SLIT1: variants seen among roughly 807,000 people sequenced by gnomAD.
SLIT1 encodes slit homolog 1 protein.
In SLIT1, 66 loss-of-function variants were observed where a neutral mutation model predicts 186.1. That is an observed-to-expected ratio of 0.35 (90% CI 0.29 to 0.44). The LOEUF is 0.44. Among genes scored for constraint, SLIT1 ranks in the 20% least tolerant of loss-of-function variants. SLIT1 has a pLI of 1.00. For missense variants in SLIT1, 1,638 were observed against 2,037.4 expected, an observed-to-expected ratio of 0.80 and a Z score of 3.77; for synonymous variants, 761 against 833.8, an observed-to-expected ratio of 0.91 and a Z score of 1.50.
chr10:97,073,051 C>T (rs1849014618), intron 4 of SLIT1, among the ~76,000 whole-genome samples: 2 of 152,254 alleles, frequency 1.3e-5, no homozygotes, highest in South Asian at 2.1e-4. Flanking sequence ...CAGAAGCCTT[C>T]CCTGGACCTG....
chr10:97,134,259 C>T (rs1849680858), intron 4 of SLIT1, among the ~76,000 whole-genome samples: 1 of 152,170 alleles, frequency 6.6e-6, no homozygotes, highest in Non-Finnish European at 1.5e-5. Flanking sequence ...GTCACAGCCA[C>T]AGTTGCGTGA....
At chr10:97,099,293 C>T (rs1589392770) in intron 4 of SLIT1, among the ~76,000 whole-genome samples, 2 of 152,214 alleles carry the variant, frequency 1.3e-5, no homozygotes, top group South Asian at 4.2e-4. Flanking sequence ...CAGGAAGAGT[C>T]CCAAGGAAGA....
chr10:97,056,290 G>A, intron 13 of SLIT1, 31 bp downstream of exon 13: 3 of 1,611,996 alleles, frequency 1.9e-6, no homozygotes, highest in Non-Finnish European at 2.5e-6. Flanking sequence ...CCTGCTGGGA[G>A]GGGAGAAGAA....
intron 7 of SLIT1, 73 bp downstream of exon 7, chr10:97,064,095 C>A: frequency 7.8e-7 from 1 of 1,278,024 alleles, no homozygotes. Flanking sequence ...AAAACCTTCA[C>A]CTCCTGCCCC....
chr10:97,093,744 G>A (rs1233476030), intron 4 of SLIT1, among the ~76,000 whole-genome samples: 2 of 152,200 alleles, frequency 1.3e-5, no homozygotes, highest in Admixed American at 6.5e-5. Flanking sequence ...CCCAATTCCA[G>A]CGGGCACAGA....
intron 4 of SLIT1, among the ~76,000 whole-genome samples, chr10:97,110,837 C>G (rs1448668164): frequency 6.6e-6 from 1 of 152,196 alleles, no homozygotes; most frequent in African/African-American, 2.4e-5. Context: ...TGCTTTGCCA[C>G]TAACATATAC....
chr10:97,003,497 G>A (rs1848331061), intron 34 of SLIT1, among the ~76,000 whole-genome samples: 1 of 152,230 alleles, frequency 6.6e-6, no homozygotes, highest in Admixed American at 6.5e-5. Context: ...CTGCGGAGCT[G>A]GGCTGAGGCC....
intron 4 of SLIT1, among the ~76,000 whole-genome samples, chr10:97,083,967 C>G (rs911499093): frequency 1.3e-5 from 2 of 151,984 alleles, no homozygotes; most frequent in Admixed American, 1.3e-4. Context: ...TGGGCCACCA[C>G]CCAGGAGCCC....
chr10:97,008,901 A>G (rs895161656), intron 31 of SLIT1, among the ~76,000 whole-genome samples: 1 of 151,276 alleles, frequency 6.6e-6, no homozygotes, highest in Non-Finnish European at 1.5e-5. Flanking sequence ...ATTTTTTGAG[A>G]TGGCGTCTCA....
chr10:97,146,783 C>T (rs1292394231), intron 4 of SLIT1, among the ~76,000 whole-genome samples: 1 of 152,130 alleles, frequency 6.6e-6, no homozygotes, highest in African/African-American at 2.4e-5. Context: ...AAGAAATGGG[C>T]GGCGCCCCTT....
chr10:97,064,794 G>A lies in SLIT1; in HGVS notation c.557+11C>T. On this transcript the variant is annotated intron_variant, in intron 6 of 36. Coordinates refer to ENST00000266058, the MANE Select transcript of SLIT1 (RefSeq NM_003061.3). Reference sequence around the variant, plus strand: ...TCCACACCCCTCCTTCCTTTTCCATGCTTTACTTACAGCACCTCCAGCCCC... The same window carrying A: ...TCCACACCCCTCCTTCCTTTTCCATACTTTACTTACAGCACCTCCAGCCCC... 1 of 1,600,902 alleles carries A rather than the reference G, an allele frequency of 6.2e-7. No homozygotes were observed. Among genetic ancestry groups the A allele is most frequent in the Non-Finnish European group, 8.5e-7 (1 of 1,172,656 alleles).
At chr10:97,135,976 G>A (rs1849699078) in intron 4 of SLIT1, among the ~76,000 whole-genome samples, 1 of 152,196 alleles carries the variant, frequency 6.6e-6, no homozygotes, top group Admixed American at 6.5e-5. Flanking sequence ...CCTGCATTCC[G>A]GGGTCCTTGG....
At chr10:97,123,894 A>G (rs969454670) in intron 4 of SLIT1, among the ~76,000 whole-genome samples, 1 of 152,132 alleles carries the variant, frequency 6.6e-6, no homozygotes, top group Non-Finnish European at 1.5e-5. Context: ...GTCCACGGCA[A>G]AGCCACAAAG....
intron 1 of SLIT1, among the ~76,000 whole-genome samples, chr10:97,176,318 G>C (rs143587167): frequency 6.6e-6 from 1 of 152,152 alleles, no homozygotes; most frequent in East Asian, 1.9e-4. Context: ...TCTAAGCCAC[G>C]ACCACGACCA....
At position 97,022,323 on chromosome 10, in the gene SLIT1, A is replaced by G. The variant is rs1848509109; in HGVS notation, c.2583-910T>C. On this transcript the variant is annotated intron_variant, in intron 25 of 36. Coordinates refer to ENST00000266058, the MANE Select transcript of SLIT1 (RefSeq NM_003061.3). This position sits in a 1 kb window ranked among gnomAD's most constrained non-coding sequence, Gnocchi z 4.2. ...CTTTGCATTTTTAATTAAACAGAACACATGAATGCATTCTCATTGTCAGCC... is the reference window on the plus strand; with the variant it reads ...CTTTGCATTTTTAATTAAACAGAACGCATGAATGCATTCTCATTGTCAGCC... Among the ~76,000 whole-genome samples, 1 of 152,234 alleles carries G rather than the reference A, an allele frequency of 6.6e-6. No individual in the cohort carries two copies. Among genetic ancestry groups the G allele is most frequent in the South Asian group, 2.1e-4 (1 of 4,828 alleles).
intron 4 of SLIT1, among the ~76,000 whole-genome samples, chr10:97,105,736 G>A (rs958410769): frequency 6.6e-6 from 1 of 152,202 alleles, no homozygotes; most frequent in African/African-American, 2.4e-5. Flanking sequence ...TGAAAATGGG[G>A]CCAGGACACA....
intron 1 of SLIT1, among the ~76,000 whole-genome samples, chr10:97,169,941 T>C (rs1850165980): frequency 6.6e-6 from 1 of 152,192 alleles, no homozygotes; most frequent in Non-Finnish European, 1.5e-5. Context: ...CCATGTTCTG[T>C]CTCCTACGTC....
chr10:97,082,137 C>T (rs1849111434), intron 4 of SLIT1, among the ~76,000 whole-genome samples: 2 of 152,244 alleles, frequency 1.3e-5, no homozygotes, highest in African/African-American at 2.4e-5. Context: ...TTCCACTTCT[C>T]CAGAAGTCAG....
intron 4 of SLIT1, among the ~76,000 whole-genome samples, chr10:97,134,719 TG>T (rs1239041665): frequency 2.0e-5 from 3 of 152,236 alleles, no homozygotes; most frequent in African/African-American, 7.2e-5. Flanking sequence ...GACTTCCGTT[TG>T]GGGGACTTCC....
Sources: gnomAD v4.1 joint callset for allele counts (sites outside exome capture counted in the v4.1 genomes callset) on GRCh38, gnomAD v4.1.1 for gene constraint, Gnocchi (gnomAD v3.1) non-coding constraint, MANE v1.5 for transcripts, NCBI Gene and HGNC (gene_info 2026-07-23, HGNC 2026-07-21) for gene names.